Variants in SORBS2 observed in about 807,000 individuals in gnomAD.
The protein encoded by SORBS2 is sorbin and SH3 domain containing 2.
Under a neutral mutation model 97.7 loss-of-function variants are expected in SORBS2, and 46 were observed. The ratio of observed to expected loss-of-function variants is 0.47; its 90% CI spans 0.37 to 0.60. The LOEUF (loss-of-function observed/expected upper bound fraction) is 0.60. Ranked by LOEUF, SORBS2 falls within the 20% of genes least tolerant of loss-of-function variation. SORBS2 has a pLI of 0.00. For synonymous variants in SORBS2, 476 were observed against 473.4 expected, an observed-to-expected ratio of 1.01 and a Z score of -0.07; for missense variants, 1,316 against 1,282.3, an observed-to-expected ratio of 1.03 and a Z score of -0.40.
At chr4:185,634,317 G>C (rs2096958240) in intron 4 of SORBS2, among the ~76,000 whole-genome samples, 1 of 152,138 alleles carries the variant, frequency 6.6e-6, no homozygotes, top group Non-Finnish European at 1.5e-5. Flanking sequence ...GGTTCTACTG[G>C]TTGTGTTTCC....
chr4:185,921,657 G>T (rs1045252574), intron 1 of SORBS2, among the ~76,000 whole-genome samples: 1 of 152,134 alleles, frequency 6.6e-6, no homozygotes, highest in Admixed American at 6.5e-5. Context: ...GAAGATACAG[G>T]TTATAGAGAT....
At chr4:185,682,141 G>A (rs141210594) in intron 2 of SORBS2, among the ~76,000 whole-genome samples, 16 of 152,188 alleles carry the variant, frequency 1.1e-4, no homozygotes, top group Middle Eastern at 3.4e-3. Context: ...TCTGGGAAAC[G>A]ATTAAGCTTT....
At chr4:185,754,888 G>A (rs900908546) in intron 2 of SORBS2, among the ~76,000 whole-genome samples, 7 of 152,196 alleles carry the variant, frequency 4.6e-5, no homozygotes, top group African/African-American at 1.7e-4. Context: ...TCACTTCTAC[G>A]AGCCAGAAAT....
chr4:185,899,293 G>C (rs2099246438), intron 1 of SORBS2, among the ~76,000 whole-genome samples: 2 of 152,182 alleles, frequency 1.3e-5, no homozygotes, highest in South Asian at 4.1e-4. Context: ...AGATGGTTAA[G>C]GTCTCGAAGA....
chr4:185,832,053 A>G (rs557681638), intron 1 of SORBS2, among the ~76,000 whole-genome samples: 1 of 152,334 alleles, frequency 6.6e-6, no homozygotes, highest in African/African-American at 2.4e-5. Context: ...TTTATTGAAG[A>G]GAAGCAATTT....
chr4:185,814,804 CT>C (rs2099192280), intron 1 of SORBS2, among the ~76,000 whole-genome samples: 1 of 152,238 alleles, frequency 6.6e-6, no homozygotes, highest in Admixed American at 6.5e-5. Context: ...ACACATCACT[CT>C]GCTGCCAGTC....
rs527294465 is a variant in SORBS2, at chr4:185,678,946, G to T, written c.-197-124C>A. 50 of 488,650 alleles carry T rather than the reference G, an allele frequency of 1.0e-4. No homozygotes were observed. In the South Asian group the frequency reaches 2.4e-3, roughly 24 times the overall value. 30.3% of individuals were successfully genotyped at this position (488,650 alleles called of 1,614,324 possible). A position where few individuals can be genotyped will look rare whatever the true frequency, so the allele number is the denominator to read the frequency against. On this transcript the variant is annotated intron_variant, in intron 2 of 20. Transcript: ENST00000284776. ...AACATTATTTCAGTTTTAAAATCTG[G>T]GTATGTCAAACATGCCAAAGGGAGG...
intron 2 of SORBS2, among the ~76,000 whole-genome samples, chr4:185,748,960 G>C (rs1411261877): frequency 6.6e-6 from 1 of 152,214 alleles, no homozygotes; most frequent in Non-Finnish European, 1.5e-5. Context: ...GAATGCAGGA[G>C]AGCCCCAAGC....
intron 4 of SORBS2, among the ~76,000 whole-genome samples, chr4:185,668,307 A>C (rs7679509): frequency 0.97 from 147,922 of 152,318 alleles, 71,973 homozygotes; most frequent in East Asian, 1. Context: ...TTCCAAATAG[A>C]ATGTCCACAG....
chr4:185,785,457 A>G (rs527489693), intron 1 of SORBS2, among the ~76,000 whole-genome samples: 1 of 152,262 alleles, frequency 6.6e-6, no homozygotes, highest in South Asian at 2.1e-4. Context: ...ATTCCGTTTT[A>G]TAACAGACAG....
At chr4:185,678,620 T>G (rs1157835586) in intron 3 of SORBS2, 73 bp from the exon 7 acceptor site, 16 of 1,424,628 alleles carry the variant, frequency 1.1e-5, no homozygotes, top group African/African-American at 1.5e-5. Flanking sequence ...AAATTTATTT[T>G]TATTTCCAAA....
chr4:185,692,766 T>G (rs1029915902), intron 2 of SORBS2, among the ~76,000 whole-genome samples: 31 of 151,174 alleles, frequency 2.1e-4, no homozygotes, highest in African/African-American at 7.1e-4. Flanking sequence ...ATATGTATAG[T>G]GTAATCCTCG....
chr4:185,848,743 G>A (rs1406608494), intron 1 of SORBS2, among the ~76,000 whole-genome samples: 1 of 146,238 alleles, frequency 6.8e-6, no homozygotes, highest in African/African-American at 2.5e-5. Flanking sequence ...CTCCCAAGTA[G>A]CTGGGACTAC....
chr4:185,756,199 A>G (rs1180305265), intron 2 of SORBS2, among the ~76,000 whole-genome samples: 1 of 152,228 alleles, frequency 6.6e-6, no homozygotes, highest in Non-Finnish European at 1.5e-5. Flanking sequence ...TTCTCTATGC[A>G]GTTCATAACT....
intron 12 of SORBS2, among the ~76,000 whole-genome samples, chr4:185,609,626 G>T (rs1448818947): frequency 2.0e-5 from 3 of 152,124 alleles, no homozygotes; most frequent in Non-Finnish European, 4.4e-5. Flanking sequence ...ATCAGAATTG[G>T]ATTCTAATGC....
chr4:185,908,012 A>C (rs2099252067), intron 1 of SORBS2, among the ~76,000 whole-genome samples: 1 of 152,012 alleles, frequency 6.6e-6, no homozygotes, highest in Non-Finnish European at 1.5e-5. Flanking sequence ...CAACTGTGGA[A>C]AACCGACCTG....
intron 2 of SORBS2, among the ~76,000 whole-genome samples, chr4:185,714,772 C>T (rs989206787): frequency 5.3e-5 from 8 of 151,944 alleles, no homozygotes; most frequent in Non-Finnish European, 7.3e-5. Flanking sequence ...TTCACTACCA[C>T]GAGAACAGCT....
rs553702618 is a variant in SORBS2, at chr4:185,784,320, C to T, written c.-337-8954G>A. On this transcript the variant is annotated intron_variant, in intron 1 of 20. Coordinates refer to the SORBS2 transcript ENST00000284776. ...CTAATTTTTTGTATTTTAGTAGAGA[C>T]GGCATTTCACTATGTTGGCCAGGAT... 1.2e-3 allele frequency among the ~76,000 whole-genome samples: 179 copies of T among 152,234 alleles called. 1 individual carries two copies. Among genetic ancestry groups the T allele is most frequent in the African/African-American group, 4.1e-3 (172 of 41,554 alleles).
intron 11 of SORBS2, 34 bp downstream of exon 23, chr4:185,614,796 AC>A: frequency 6.2e-7 from 1 of 1,611,332 alleles, no homozygotes; most frequent in South Asian, 1.1e-5. Context: ...GAACAAACAA[AC>A]AAAAACAAAC....
Sources: allele counts gnomAD v4.1 joint callset (sites outside exome capture counted in the v4.1 genomes callset), GRCh38; gene constraint gnomAD v4.1.1; transcripts MANE v1.5; gene names NCBI Gene and HGNC (gene_info 2026-07-23, HGNC 2026-07-21).